The following PLA2R1 variants were observed in gnomAD, a reference collection of about 807,000 sequenced individuals.
PLA2R1 encodes phospholipase A2 receptor 1, also known as secretory phospholipase A2 receptor.
A neutral mutation model predicts 195.9 loss-of-function variants in PLA2R1; 158 were observed. That is an observed-to-expected ratio of 0.81 (90% confidence interval 0.71 to 0.92). The LOEUF (loss-of-function observed/expected upper bound fraction) is 0.92, where lower values mean the gene tolerates loss of function less well. Ranked by LOEUF, PLA2R1 falls within the 40% of genes least tolerant of loss-of-function variation. The probability of loss-of-function intolerance (pLI) is 0.00; values close to 1 mark genes in which losing one functional copy is unlikely to be tolerated. For missense variants in PLA2R1, 1,626 were observed against 1,764.6 expected (o/e 0.92, Z 1.41); for synonymous variants, 586 against 598.2 (o/e 0.98, Z 0.30).
At chr2:159,924,733 G>A in the PLA2R1 span, among the ~76,000 whole-genome samples, 21 of 143,220 alleles carry the variant, frequency 1.5e-4, no homozygotes, top group African/African-American at 4.4e-4. Context: ...GGGGGCTGGG[G>A]GGGGGGCGGT....
At chr2:159,969,517 T>C (rs1689004968) in intron 18 of PLA2R1, among the ~76,000 whole-genome samples, 158 bp from the exon 19 acceptor site, 1 of 152,200 alleles carries the variant, frequency 6.6e-6, no homozygotes, top group Admixed American at 6.5e-5. Flanking sequence ...TTAACAATAT[T>C]GTATCATATA....
intron 7 of PLA2R1, among the ~76,000 whole-genome samples, chr2:160,021,390 G>A (rs1193348483): frequency 6.6e-6 from 1 of 152,106 alleles, no homozygotes; most frequent in Non-Finnish European, 1.5e-5. Context: ...CATCAGAGGA[G>A]GGTTGGATAA....
intron 9 of PLA2R1, among the ~76,000 whole-genome samples, chr2:160,015,917 G>A (rs1469787043): frequency 6.6e-6 from 1 of 152,196 alleles, no homozygotes; most frequent in Non-Finnish European, 1.5e-5. Context: ...ATAAAGCATA[G>A]TTCACTCTGA....
intron 20 of PLA2R1, among the ~76,000 whole-genome samples, chr2:159,965,298 C>T (rs1268388782): frequency 6.6e-6 from 1 of 152,138 alleles, no homozygotes; most frequent in African/African-American, 2.4e-5. Context: ...TCTTCCACAA[C>T]TTCATCCTTC....
chr2:160,026,119 T>C (rs983529559), intron 6 of PLA2R1, among the ~76,000 whole-genome samples: 2 of 152,188 alleles, frequency 1.3e-5, no homozygotes, highest in Admixed American at 1.3e-4. Flanking sequence ...TATGACATCA[T>C]GTTGAATACT....
chr2:160,036,909 C>T (rs1317926564), intron 3 of PLA2R1, among the ~76,000 whole-genome samples: 3 of 152,084 alleles, frequency 2.0e-5, no homozygotes, highest in Admixed American at 6.5e-5. Context: ...GGGGAGGTGG[C>T]GAATTCTTCT....
chr2:160,027,409 T>C (rs919702233), intron 6 of PLA2R1, among the ~76,000 whole-genome samples: 1 of 152,186 alleles, frequency 6.6e-6, no homozygotes, highest in African/African-American at 2.4e-5. Flanking sequence ...CCTGAAATAA[T>C]GGAAAAATCT....
rs1022711042 is a variant in PLA2R1, at chr2:159,941,037, T to C, written c.*741A>G. On this transcript the variant is annotated 3_prime_UTR_variant, in exon 30 of 30. Coordinates refer to ENST00000283243, the MANE Select transcript of PLA2R1 (RefSeq NM_007366.5). ...CTTTAAGCTTATGTATAAGACATTT[T>C]AAAATATCCAACTTAATCATCATTT... 2.0e-5 allele frequency: 3 copies of C among 152,350 alleles called. No homozygotes were observed. Among genetic ancestry groups the C allele is most frequent in the Admixed American group, 2.0e-4 (3 of 15,310 alleles). 9.4% of individuals were successfully genotyped at this position (152,350 alleles called of 1,614,324 possible).
intron 9 of PLA2R1, among the ~76,000 whole-genome samples, chr2:160,014,771 T>A (rs1046517364): frequency 1.3e-5 from 2 of 152,266 alleles, no homozygotes; most frequent in East Asian, 3.9e-4. Context: ...CCATCTAGGA[T>A]CTGCTCTGAA....
chr2:159,971,009 G>A (rs984783884), intron 17 of PLA2R1, among the ~76,000 whole-genome samples: 1 of 152,016 alleles, frequency 6.6e-6, no homozygotes, highest in Admixed American at 6.6e-5. Context: ...GTAGATGACA[G>A]GTTGATGGGT....
chr2:159,946,441 A>G (rs1212740798), intron 27 of PLA2R1: 1 of 995,026 alleles, frequency 1.0e-6, no homozygotes, highest in Non-Finnish European at 1.2e-6. Context: ...AAACATTTCC[A>G]TAACTCTATT....
intron 10 of PLA2R1, among the ~76,000 whole-genome samples, chr2:160,008,861 A>G (rs1692165962): frequency 6.6e-6 from 1 of 152,254 alleles, no homozygotes; most frequent in Non-Finnish European, 1.5e-5. Context: ...TAGAAAAGAC[A>G]AACATCCCAA....
At chr2:160,014,756 T>A (rs988126371) in intron 9 of PLA2R1, among the ~76,000 whole-genome samples, 1 of 152,146 alleles carries the variant, frequency 6.6e-6, no homozygotes, top group African/African-American at 2.4e-5. Context: ...AGCTCCCACA[T>A]CCAGCCATCT....
At chr2:160,011,833 A>T (rs541784693) in intron 10 of PLA2R1, among the ~76,000 whole-genome samples, 1 of 152,262 alleles carries the variant, frequency 6.6e-6, no homozygotes, top group South Asian at 2.1e-4. Context: ...TAGAACTAAA[A>T]ACAATGCTGA....
chr2:160,028,448 C>A (rs115285905), intron 5 of PLA2R1, 87 bp from the exon 6 acceptor site: 2 of 928,418 alleles, frequency 2.2e-6, no homozygotes, highest in East Asian at 4.9e-5. Flanking sequence ...CATCGGGGGA[C>A]AGCGTTTCTA....
At chr2:160,040,006 A>G (rs2105577174) in intron 3 of PLA2R1, among the ~76,000 whole-genome samples, 1 of 151,974 alleles carries the variant, frequency 6.6e-6, no homozygotes, top group East Asian at 1.9e-4. Flanking sequence ...TAACTTTATT[A>G]GTATTGGTTC....
chr2:159,979,581 G>T (rs925891486), intron 14 of PLA2R1, among the ~76,000 whole-genome samples: 2 of 152,150 alleles, frequency 1.3e-5, no homozygotes, highest in Non-Finnish European at 2.9e-5. Flanking sequence ...TATGGGAGAT[G>T]GTTTGGGGGG....
intron 17 of PLA2R1, among the ~76,000 whole-genome samples, chr2:159,972,478 T>G (rs573118050): frequency 6.6e-6 from 1 of 152,296 alleles, no homozygotes; most frequent in South Asian, 2.1e-4. Flanking sequence ...AAACAGCATT[T>G]ACCAAAAACA....
intron 8 of PLA2R1, among the ~76,000 whole-genome samples, chr2:160,018,633 AAAACAAACAAACAAACAAAC>A (rs59379239): frequency 6.6e-6 from 1 of 150,522 alleles, no homozygotes. Flanking sequence ...CTCTGTCTCA[AAAACAAACAAACAAACAAAC>A]AAACAAACAA....
Sources: allele counts gnomAD v4.1 joint callset (sites outside exome capture counted in the v4.1 genomes callset), GRCh38; gene constraint gnomAD v4.1.1; transcripts MANE v1.5; gene names NCBI Gene and HGNC (gene_info 2026-07-23, HGNC 2026-07-21).